LRRC8D: variants seen among roughly 807,000 people sequenced by gnomAD.
LRRC8D encodes volume-regulated anion channel subunit LRRC8D.
LRRC8D carries 20 observed loss-of-function variants against 55.8 expected under a neutral mutation model. That is an observed-to-expected ratio of 0.36 (90% CI 0.25 to 0.52). The LOEUF (loss-of-function observed/expected upper bound fraction) is 0.52. LRRC8D is among the 20% of genes least tolerant of loss of function. LRRC8D has a pLI of 0.93. For synonymous variants in LRRC8D, 352 were observed against 377.0 expected, an observed-to-expected ratio of 0.93 and a Z score of 0.77; for missense variants, 651 against 1,030.8, an observed-to-expected ratio of 0.63 and a Z score of 5.05.
chr1:89,905,954 C>A (rs1482916376), intron 2 of LRRC8D, among the ~76,000 whole-genome samples: 2 of 152,184 alleles, frequency 1.3e-5, no homozygotes, highest in African/African-American at 4.8e-5. Context: ...GTAGCTGAGA[C>A]CTGACCCCTG....
intron 1 of LRRC8D, among the ~76,000 whole-genome samples, chr1:89,841,407 T>G (rs895533243): frequency 8.4e-6 from 1 of 119,732 alleles, no homozygotes; most frequent in African/African-American, 3.1e-5. Context: ...CCCCCCCCCT[T>G]TTTTTTGTGA....
intron 2 of LRRC8D, among the ~76,000 whole-genome samples, chr1:89,922,914 A>G (rs1022885511): frequency 6.6e-6 from 1 of 152,214 alleles, no homozygotes; most frequent in Non-Finnish European, 1.5e-5. Flanking sequence ...TGAAGTATAT[A>G]ATTCAGTGTT....
chr1:89,846,890 G>A (rs571307153), intron 2 of LRRC8D, among the ~76,000 whole-genome samples: 16 of 151,806 alleles, frequency 1.1e-4, no homozygotes, highest in Non-Finnish European at 2.2e-4. Context: ...ACCTCTTCTG[G>A]CTTACTCCTA....
intron 1 of LRRC8D, among the ~76,000 whole-genome samples, chr1:89,829,128 C>G (rs888816945): frequency 3.9e-5 from 6 of 152,228 alleles, no homozygotes; most frequent in Non-Finnish European, 7.3e-5. Flanking sequence ...ATGGTGCTTG[C>G]AATGGCACTC....
chr1:89,843,595 T>TGGCTAAG, intron 1 of LRRC8D, 43 bp from the exon 2 acceptor site: 1 of 692,940 alleles, frequency 1.4e-6, no homozygotes, highest in Non-Finnish European at 2.6e-6. Context: ...CTGCCGACAC[T>TGGCTAAG]TGGATCTCTC....
At chr1:89,900,510 A>C (rs1662823357) in intron 2 of LRRC8D, among the ~76,000 whole-genome samples, 1 of 149,724 alleles carries the variant, frequency 6.7e-6, no homozygotes, top group Non-Finnish European at 1.5e-5. Flanking sequence ...ATTTATGTCC[A>C]TCATAAAAAA....
chr1:89,878,929 TG>T (rs1345431834), intron 2 of LRRC8D, among the ~76,000 whole-genome samples: 4 of 146,366 alleles, frequency 2.7e-5, no homozygotes, highest in Non-Finnish European at 5.9e-5. Context: ...GTCGCACCAC[TG>T]CACTCTAGCC....
chr1:89,824,884 A>G (rs1204045079), intron 1 of LRRC8D, among the ~76,000 whole-genome samples: 1 of 152,146 alleles, frequency 6.6e-6, no homozygotes, highest in African/African-American at 2.4e-5. Flanking sequence ...TACTTACTGC[A>G]CCTTAAGCTT....
chr1:89,866,472 G>C (rs927537034), intron 2 of LRRC8D, among the ~76,000 whole-genome samples: 5 of 152,198 alleles, frequency 3.3e-5, no homozygotes, highest in African/African-American at 4.8e-5. Flanking sequence ...TCTTGAATGT[G>C]TCGGTAGTTT....
chr1:89,854,172 A>G (rs1661493558), intron 2 of LRRC8D, among the ~76,000 whole-genome samples: 2 of 152,194 alleles, frequency 1.3e-5, no homozygotes. Flanking sequence ...ATGGGAAAGA[A>G]GTTGAGAAAG....
Position 89,827,899 on chromosome 1 carries a change from T to C in LRRC8D, c.-148+6608T>C, listed in dbSNP as rs550597570. On this transcript the variant is annotated intron_variant, in intron 1 of 2. Transcript: ENST00000337338. ...AATTCAGGATGAATGCCAAGAAATA[T>C]GGTTTTTCTCAACCCTGGCTGGCAT... is the stretch of plus-strand genomic sequence containing the variant. 3.9e-5 allele frequency among the ~76,000 whole-genome samples: 6 copies of C among 152,314 alleles called. No individual in the cohort carries two copies. The East Asian group carries it at 7.7e-4, about 20-fold the overall frequency.
chr1:89,842,162 G>A (rs1309082156), intron 1 of LRRC8D, among the ~76,000 whole-genome samples: 11 of 148,316 alleles, frequency 7.4e-5, no homozygotes, highest in Non-Finnish European at 7.4e-5. Flanking sequence ...GCAGTGAGCC[G>A]AGATCACGCC....
intron 2 of LRRC8D, among the ~76,000 whole-genome samples, chr1:89,902,139 T>C (rs1301032819): frequency 6.6e-6 from 1 of 152,268 alleles, no homozygotes; most frequent in Non-Finnish European, 1.5e-5. Flanking sequence ...TTGAAACATA[T>C]GTTTTCTCCA....
chr1:89,843,503 C>G, intron 1 of LRRC8D, 135 bp from the exon 2 acceptor site: 1 of 536,372 alleles, frequency 1.9e-6, no homozygotes, highest in Non-Finnish European at 3.4e-6. Context: ...GCCAGGGGAG[C>G]GCTGGGTGCC....
rs185745594 is a variant in LRRC8D at position 89,868,352 on chromosome 1, C to T, written c.-3+24570C>T. ...CATTATAATAAGTAAAAACAGGCTGCGCAAACCGTCCCTGGGTTAAATTCT... is the reference window on the plus strand; with the variant it reads ...CATTATAATAAGTAAAAACAGGCTGTGCAAACCGTCCCTGGGTTAAATTCT... On this transcript the variant is annotated intron_variant, in intron 2 of 2. Transcript: ENST00000337338. Among the ~76,000 whole-genome samples the T allele has an allele frequency of 2.3e-3, 346 of 152,222 alleles. 1 individual carries two copies. Among genetic ancestry groups the T allele is most frequent in the Non-Finnish European group, 3.1e-3 (212 of 68,002 alleles).
At chr1:89,833,529 T>C (rs1660933744) in intron 1 of LRRC8D, among the ~76,000 whole-genome samples, 1 of 152,218 alleles carries the variant, frequency 6.6e-6, no homozygotes, top group Non-Finnish European at 1.5e-5. Context: ...GGGAAGGACC[T>C]AGGATTTGGA....
chr1:89,838,795 A>C (rs568359013), intron 1 of LRRC8D, among the ~76,000 whole-genome samples: 3 of 152,222 alleles, frequency 2.0e-5, no homozygotes, highest in Non-Finnish European at 4.4e-5. Context: ...CAGTTTGATC[A>C]GTGGATCAGT....
At chr1:89,914,379 G>T (rs1249119295) in intron 2 of LRRC8D, among the ~76,000 whole-genome samples, 1 of 152,218 alleles carries the variant, frequency 6.6e-6, no homozygotes, top group African/African-American at 2.4e-5. Context: ...GTGGGCTCCA[G>T]CCTTGGCCAG....
At chr1:89,898,184 T>C (rs762585528) in intron 2 of LRRC8D, among the ~76,000 whole-genome samples, 5 of 152,200 alleles carry the variant, frequency 3.3e-5, no homozygotes, top group African/African-American at 7.2e-5. Context: ...ACTGCAGTTA[T>C]TGTACCAGAG....
Sources: gnomAD v4.1 joint callset for allele counts (sites outside exome capture counted in the v4.1 genomes callset) on GRCh38, gnomAD v4.1.1 for gene constraint, MANE v1.5 for transcripts, NCBI Gene and HGNC (gene_info 2026-07-23, HGNC 2026-07-21) for gene names.